The following JOSD1 variants were observed in gnomAD, a reference collection of about 807,000 sequenced individuals.
JOSD1 encodes Josephin domain containing 1.
Under a neutral mutation model 24.3 loss-of-function variants are expected in JOSD1, and 11 were observed. The ratio of observed to expected loss-of-function variants is 0.45; its 90% CI spans 0.29 to 0.75. JOSD1 has a LOEUF of 0.75. JOSD1 is among the 30% of genes least tolerant of loss of function. The pLI, the probability that JOSD1 is intolerant of heterozygous loss-of-function variation, is 0.11. For synonymous variants in JOSD1, 106 were observed against 93.8 expected, an observed-to-expected ratio of 1.13 and a Z score of -0.75; for missense variants, 184 against 253.5, an observed-to-expected ratio of 0.73 and a Z score of 1.86.
At chr22:38,699,381 G>C (rs970808118) in intron 2 of JOSD1, among the ~76,000 whole-genome samples, 2 of 152,188 alleles carry the variant, frequency 1.3e-5, no homozygotes, top group Non-Finnish European at 1.5e-5. Flanking sequence ...TACGTATCTA[G>C]TCCCACTTCT....
chr22:38,694,950 T>G (rs2092538734), intron 2 of JOSD1, among the ~76,000 whole-genome samples: 1 of 151,832 alleles, frequency 6.6e-6, no homozygotes, highest in Admixed American at 6.6e-5. Flanking sequence ...TCCTTGTTCC[T>G]CTCTCATGGT....
At chr22:38,698,428 T>C (rs1015019673) in intron 2 of JOSD1, among the ~76,000 whole-genome samples, 1 of 152,240 alleles carries the variant, frequency 6.6e-6, no homozygotes, top group Non-Finnish European at 1.5e-5. Flanking sequence ...TCAGGGCAAA[T>C]GGTCCATACC....
intron 2 of JOSD1, among the ~76,000 whole-genome samples, chr22:38,694,045 C>T (rs999889304): frequency 6.6e-6 from 1 of 152,218 alleles, no homozygotes; most frequent in Non-Finnish European, 1.5e-5. Flanking sequence ...CAGCTAGGCA[C>T]TGGCAACTCA....
Position 38,687,049 on chromosome 22 carries a change from G to A in JOSD1, c.*853C>T, listed in dbSNP as rs1256477725. The stretch of plus-strand genomic sequence containing the variant: ...TCATTATAAAACTCTGCCGGGTGCG[G>A]TGGCTCACGCCTGTAATCCCAGCAC... On this transcript the variant is annotated 3_prime_UTR_variant, in exon 5 of 5. Coordinates refer to ENST00000683374, the MANE Select transcript of JOSD1 (RefSeq NM_001360236.2). 6.6e-6 allele frequency: 1 copy of A among 152,268 alleles called. No individual in the cohort carries two copies. The highest frequency in any genetic ancestry group is 1.5e-5 in the Non-Finnish European group (1 of 68,100). The allele number at this position is 152,268 out of a possible 1,614,324, so 9.4% of individuals were successfully genotyped here.
At position 38,688,805 on chromosome 22, in the gene JOSD1, C is replaced by G; in HGVS notation, c.509+130G>C. 4 of 851,938 alleles carry G rather than the reference C, an allele frequency of 4.7e-6. No homozygotes were observed. The African/African-American group carries it at 5.1e-5, about 11-fold the overall frequency. The allele number at this position is 851,938 out of a possible 1,614,324, so 52.8% of individuals were successfully genotyped here. ...AGGTCAGGTCCGAGACACTATGATT[C>G]TAAGGCAGGGAGAGAATCCAAGGGC... On this transcript the variant is annotated intron_variant, in intron 4 of 4. Coordinates refer to ENST00000683374, the MANE Select transcript of JOSD1 (RefSeq NM_001360236.2).
At chr22:38,689,912 CTGTGTGTGTG>C (rs57064558) in intron 2 of JOSD1, among the ~76,000 whole-genome samples, 11 of 144,528 alleles carry the variant, frequency 7.6e-5, no homozygotes, top group East Asian at 4.1e-4. Flanking sequence ...TAAAGGCATT[CTGTGTGTGTG>C]TGTGTGTGTG....
At chr22:38,693,533 T>A (rs999078134) in intron 2 of JOSD1, among the ~76,000 whole-genome samples, 2 of 152,220 alleles carry the variant, frequency 1.3e-5, no homozygotes, top group African/African-American at 4.8e-5. Context: ...TGGCCCCACT[T>A]GGCCAGCTAT....
chr22:38,692,781 C>CA (rs61214432), intron 2 of JOSD1, among the ~76,000 whole-genome samples: 2,512 of 44,230 alleles, frequency 0.057, 64 homozygotes, highest in African/African-American at 0.064. Flanking sequence ...AACTCTGTCT[C>CA]AAAAAAAAAA....
chr22:38,700,199 T>C lies in JOSD1; in HGVS notation c.-212A>G. On this transcript the variant is annotated 5_prime_UTR_variant, in exon 2 of 5. Coordinates refer to ENST00000683374, the MANE Select transcript of JOSD1 (RefSeq NM_001360236.2). ...TCTCTTCTCAATAGAAAAATAACTT[T>C]TGGATTACTTTTATTTTGCTACCAC... 1.6e-6 allele frequency: 2 copies of C among 1,243,974 alleles called. No individual in the cohort carries two copies. The highest frequency in any genetic ancestry group is 7.6e-5 in the Admixed American group (2 of 26,174). The allele number at this position is 1,243,974 out of a possible 1,614,324, so 77.1% of individuals were successfully genotyped here. A position where few individuals can be genotyped will look rare whatever the true frequency, so the allele number is the denominator to read the frequency against.
chr22:38,700,553 G>T lies in JOSD1; in HGVS notation c.-566C>A, dbSNP rs1603149027. On this transcript the variant is annotated 5_prime_UTR_variant, in exon 2 of 5. Transcript: ENST00000683374. Reference sequence around the variant, plus strand: ...CGGGGGCAGCCCTCCATCCCCTCGGGTACGGTGGGGCCCGCAGGGCGCGGC... The same window carrying T: ...CGGGGGCAGCCCTCCATCCCCTCGGTTACGGTGGGGCCCGCAGGGCGCGGC... 1 of 985,776 alleles carries T rather than the reference G, an allele frequency of 1.0e-6. No homozygotes were observed. Among genetic ancestry groups the T allele is most frequent in the Non-Finnish European group, 1.2e-6 (1 of 830,158 alleles). 61.1% of individuals were successfully genotyped at this position (985,776 alleles called of 1,614,324 possible). A position where few individuals can be genotyped will look rare whatever the true frequency, so the allele number is the denominator to read the frequency against.
In JOSD1 at chr22:38,700,287, C is replaced by CCG; in HGVS notation, c.-301_-300insCG. The stretch of plus-strand genomic sequence containing the variant: ...AAGACCTTGTTTCCGTTTCCCCACC[C>CCG]TTCCCTCCCACCCCCCTCCAAAATC... On this transcript the variant is annotated 5_prime_UTR_variant, in exon 2 of 5. Transcript: ENST00000683374. 9.8e-7 allele frequency: 1 copy of CCG among 1,023,430 alleles called. No individual in the cohort carries two copies. The highest frequency in any genetic ancestry group is 1.2e-6 in the Non-Finnish European group (1 of 845,520). 63.4% of individuals were successfully genotyped at this position (1,023,430 alleles called of 1,614,324 possible). A position where few individuals can be genotyped will look rare whatever the true frequency, so the allele number is the denominator to read the frequency against.
intron 2 of JOSD1, among the ~76,000 whole-genome samples, chr22:38,691,784 T>TA (rs1434309148): frequency 1.3e-5 from 2 of 152,150 alleles, no homozygotes; most frequent in African/African-American, 2.4e-5. Flanking sequence ...CACCCAACCA[T>TA]AAGTTTCTCC....
At chr22:38,695,644 A>C (rs1454484700) in intron 2 of JOSD1, among the ~76,000 whole-genome samples, 1 of 151,954 alleles carries the variant, frequency 6.6e-6, no homozygotes, top group Non-Finnish European at 1.5e-5. Context: ...ATAGGGTCTC[A>C]CTATGTTGCA....
intron 1 of JOSD1, 43 bp downstream of exon 1, chr22:38,700,757 C>T (rs2092565843): frequency 1.0e-6 from 1 of 984,464 alleles, no homozygotes; most frequent in East Asian, 1.1e-4. Context: ...CAGCCTCGCG[C>T]TCCCGGGCCC....
intron 2 of JOSD1, 69 bp from the exon 3 acceptor site, chr22:38,689,493 G>T: frequency 1.3e-6 from 2 of 1,588,882 alleles, no homozygotes; most frequent in South Asian, 2.2e-5. Flanking sequence ...GCACTACCAG[G>T]GATGGAGAGC....
Position 38,689,410 on chromosome 22 carries a change from G to A in JOSD1, c.200C>T (p.Thr67Ile), listed in dbSNP as rs765266202. 6.2e-7 allele frequency: 1 copy of A among 1,614,210 alleles called. No homozygotes were observed. The highest frequency in any genetic ancestry group is 1.1e-5 in the South Asian group (1 of 91,086). The change falls in exon 3 of 5, where the codon ACC (threonine) becomes ATC (isoleucine). Residue 67 changes from threonine to isoleucine, a missense_variant. By Grantham distance (89) the Thr-to-Ile change is moderately conservative. Coordinates refer to ENST00000683374, the MANE Select transcript of JOSD1 (RefSeq NM_001360236.2). ...QEIFQRLSPNTMVTPHKKSML... is the reference protein window; with the variant it reads ...QEIFQRLSPNIMVTPHKKSML... ...GCTCTTCTTGTGAGGTGTCACCATG[G>A]TGTTTGGAGACAACCTACCAATGTG...
Position 38,700,164 on chromosome 22 carries a change from C to T in JOSD1, c.-177G>A. Reference sequence around the variant, plus strand: ...GGAATCAAAAGGAAAAAAATAAAACCCACCTCTTCTCTCTTCTCAATAGAA... The same window carrying T: ...GGAATCAAAAGGAAAAAAATAAAACTCACCTCTTCTCTCTTCTCAATAGAA... On this transcript the variant is annotated 5_prime_UTR_variant, in exon 2 of 5. Transcript: ENST00000683374. 4 of 1,325,518 alleles carry T rather than the reference C, an allele frequency of 3.0e-6. No individual in the cohort carries two copies. Among genetic ancestry groups the T allele is most frequent in the Non-Finnish European group, 3.9e-6 (4 of 1,038,504 alleles). The allele number at this position is 1,325,518 out of a possible 1,614,324, so 82.1% of individuals were successfully genotyped here. A position where few individuals can be genotyped will look rare whatever the true frequency, so the allele number is the denominator to read the frequency against.
At position 38,686,252 on chromosome 22, in the gene JOSD1, C is replaced by T. The variant is rs1299388837; in HGVS notation, c.*1650G>A. On this transcript the variant is annotated 3_prime_UTR_variant, in exon 5 of 5. Coordinates refer to ENST00000683374, the MANE Select transcript of JOSD1 (RefSeq NM_001360236.2). ...AAACGGCCTTGTTGGATTGAAGATA[C>T]ATGTGCAGAAAAAGTGCTGGTGTCA... The T allele has an allele frequency of 1.3e-5, 2 of 152,554 alleles. No homozygotes were observed. The highest frequency in any genetic ancestry group is 2.9e-5 in the Non-Finnish European group (2 of 68,042). The allele number at this position is 152,554 out of a possible 1,614,324, so 9.5% of individuals were successfully genotyped here.
chr22:38,689,315 C>G lies in JOSD1; in HGVS notation c.295G>C (p.Val99Leu), dbSNP rs1208136827. The G allele has an allele frequency of 6.2e-7, 1 of 1,614,146 alleles. No homozygotes were observed. The highest frequency in any genetic ancestry group is 8.5e-7 in the Non-Finnish European group (1 of 1,180,062). ...GATTACCTGCGCTTGTCCCACCAAACAGCTTCATAGCCTTTGGTCTGAAGT... is the reference window on the plus strand; with the variant it reads ...GATTACCTGCGCTTGTCCCACCAAAGAGCTTCATAGCCTTTGGTCTGAAGT... The part of the protein sequence containing the change: ...AALQTKGYEA[V>L]WWDKRRDVGV... Residue 99 changes from valine (V) to leucine (L), a missense_variant, in exon 3 of 5, where the codon GTT becomes CTT. Transcript: ENST00000683374.
Sources: allele counts gnomAD v4.1 joint callset (sites outside exome capture counted in the v4.1 genomes callset), GRCh38; gene constraint gnomAD v4.1.1; transcripts MANE v1.5; gene names NCBI Gene and HGNC (gene_info 2026-07-23, HGNC 2026-07-21).